Variants in SPATS1 observed in about 807,000 individuals in gnomAD.
SPATS1 encodes the protein spermatogenesis-associated serine-rich protein 1.
Under a neutral mutation model 33.6 loss-of-function variants are expected in SPATS1, and 23 were observed. The observed-to-expected ratio is 0.68, with a 90% CI of 0.49 to 0.97. The LOEUF is 0.97. Among genes scored for constraint, SPATS1 ranks in the 50% least tolerant of loss-of-function variants. SPATS1 has a pLI of 0.00. For synonymous variants in SPATS1, 131 were observed against 125.6 expected (o/e 1.04, Z -0.29); for missense variants, 327 against 361.0 (o/e 0.91, Z 0.76).
chr6:44,353,545 C>T (rs916894682), intron 3 of SPATS1, among the ~76,000 whole-genome samples: 3 of 152,060 alleles, frequency 2.0e-5, no homozygotes, highest in Admixed American at 6.5e-5. Context: ...GTCACTGGGC[C>T]GGGCTAACGT....
intron 4 of SPATS1, 110 bp downstream of exon 4, chr6:44,360,680 T>C: frequency 1.5e-6 from 2 of 1,318,642 alleles, no homozygotes; most frequent in African/African-American, 1.5e-5. Context: ...GCATTTGATG[T>C]ACTTTATCTC....
intron 7 of SPATS1, among the ~76,000 whole-genome samples, chr6:44,375,277 C>T (rs537851469): frequency 6.6e-6 from 1 of 152,290 alleles, no homozygotes; most frequent in South Asian, 2.1e-4. Flanking sequence ...CACCCAGAGG[C>T]TCATGACAGT....
Position 44,360,447 on chromosome 6 carries a change from A to G in SPATS1, c.289A>G (p.Thr97Ala). Residue 97 changes from threonine to alanine, a missense_variant and splice_region_variant, in exon 4 of 9, where the codon ACC becomes GCC. Coordinates refer to ENST00000674044, the MANE Select transcript of SPATS1 (RefSeq NM_001372081.1). ...AGAATCCTTCTGCTTTCTTTCCAGCACCACTGCTGACTTGGATCGGAAACT... is the reference window on the plus strand; with the variant it reads ...AGAATCCTTCTGCTTTCTTTCCAGCGCCACTGCTGACTTGGATCGGAAACT... ...GLPRVSAYVD[T>A]TADLDRKLSF... 6.2e-7 allele frequency: 1 copy of G among 1,614,104 alleles called. No homozygotes were observed. Among genetic ancestry groups the G allele is most frequent in the Non-Finnish European group, 8.5e-7 (1 of 1,180,012 alleles).
intron 5 of SPATS1, 105 bp from the exon 6 acceptor site, chr6:44,368,274 T>C: frequency 8.8e-7 from 1 of 1,141,672 alleles, no homozygotes; most frequent in Non-Finnish European, 1.2e-6. Flanking sequence ...TAATTTATAA[T>C]AAAATACTAA....
intron 5 of SPATS1, among the ~76,000 whole-genome samples, chr6:44,366,941 A>G (rs1466270264): frequency 6.6e-6 from 1 of 152,248 alleles, no homozygotes; most frequent in East Asian, 1.9e-4. Context: ...TCAAGGGCAC[A>G]GAACTAGAAA....
At chr6:44,361,375 C>T (rs6935417) in intron 4 of SPATS1, 766,264 of 984,782 alleles carry the variant, frequency 0.78, 298,621 homozygotes, top group Admixed American at 0.81. Flanking sequence ...GTAGCACATG[C>T]GCGTGCTATT....
chr6:44,367,191 G>A (rs139358302), intron 5 of SPATS1, among the ~76,000 whole-genome samples: 2,875 of 152,214 alleles, frequency 0.019, 88 homozygotes, highest in African/African-American at 0.065. Flanking sequence ...GGGTTTAAGC[G>A]ATTCTCCTGT....
At chr6:44,350,081 G>T (rs1788145194) in intron 2 of SPATS1, among the ~76,000 whole-genome samples, 1 of 152,100 alleles carries the variant, frequency 6.6e-6, no homozygotes, top group Non-Finnish European at 1.5e-5. Context: ...ACTGTGCTGG[G>T]GGCTGCTCTA....
At chr6:44,365,051 A>C (rs993021259) in intron 5 of SPATS1, among the ~76,000 whole-genome samples, 3 of 152,152 alleles carry the variant, frequency 2.0e-5, no homozygotes, top group African/African-American at 7.2e-5. Context: ...GGCCTCCCAA[A>C]GTGCTGGGAT....
intron 1 of SPATS1, 26 bp downstream of exon 1, chr6:44,342,794 C>G (rs1415248479): frequency 3.9e-5 from 24 of 623,350 alleles, no homozygotes; most frequent in Non-Finnish European, 6.3e-5. Context: ...TGAGCACAGA[C>G]CCGGGCCTCC....
At chr6:44,359,133 A>C (rs550195673) in intron 3 of SPATS1, among the ~76,000 whole-genome samples, 1 of 151,880 alleles carries the variant, frequency 6.6e-6, no homozygotes, top group Non-Finnish European at 1.5e-5. Flanking sequence ...GCTAATTAAA[A>C]ATTTTTTTGT....
Position 44,377,031 on chromosome 6 carries a change from A to T in SPATS1, c.875-4A>T. ...AACCTGTAACTCCATGCCTCTATCCACAGGTGCTTTGGACTTTCCAAGACA... is the reference window on the plus strand; with the variant it reads ...AACCTGTAACTCCATGCCTCTATCCTCAGGTGCTTTGGACTTTCCAAGACA... On this transcript the variant is annotated splice_region_variant and splice_polypyrimidine_tract_variant and intron_variant, in intron 8 of 8. Transcript: ENST00000674044. The T allele has an allele frequency of 6.2e-7, 1 of 1,614,224 alleles. No individual in the cohort carries two copies. The highest frequency in any genetic ancestry group is 1.1e-5 in the South Asian group (1 of 91,078).
At chr6:44,370,257 GA>G in intron 7 of SPATS1, 144 bp downstream of exon 7, 1 of 672,378 alleles carries the variant, frequency 1.5e-6, no homozygotes, top group Non-Finnish European at 2.5e-6. Flanking sequence ...AGTTTGTAAG[GA>G]AGGTGTTTGG....
intron 2 of SPATS1, among the ~76,000 whole-genome samples, chr6:44,350,485 T>C (rs1788168530): frequency 6.6e-6 from 1 of 152,212 alleles, no homozygotes; most frequent in Non-Finnish European, 1.5e-5. Flanking sequence ...TTTAACAGGC[T>C]TCCTGGGTAA....
intron 2 of SPATS1, among the ~76,000 whole-genome samples, chr6:44,345,333 C>G (rs1243018665): frequency 1.3e-5 from 2 of 152,140 alleles, no homozygotes; most frequent in Non-Finnish European, 2.9e-5. Context: ...ATCAGACAAG[C>G]TTTCCCCATT....
intron 3 of SPATS1, among the ~76,000 whole-genome samples, chr6:44,357,146 T>C (rs1355053816): frequency 1.3e-5 from 2 of 152,186 alleles, no homozygotes; most frequent in Non-Finnish European, 1.5e-5. Flanking sequence ...TCCACCTTTA[T>C]CTCAAAAACT....
intron 5 of SPATS1, 103 bp downstream of exon 5, chr6:44,362,095 C>A: frequency 2.1e-6 from 3 of 1,412,228 alleles, no homozygotes; most frequent in Non-Finnish European, 3.0e-6. Context: ...CCTGTAGAGT[C>A]ACCATGTTCC....
intron 8 of SPATS1, among the ~76,000 whole-genome samples, chr6:44,376,788 G>A (rs1010883730): frequency 1.3e-5 from 2 of 152,084 alleles, no homozygotes; most frequent in African/African-American, 2.4e-5. Context: ...GCAACAGAGC[G>A]AAACTTTGCC....
At position 44,359,699 on chromosome 6, in the gene SPATS1, A is replaced by G. The variant is rs1050708772; in HGVS notation, c.288-747A>G. ...ATTCTCCTGCCTCAGCCTCCTGAGT[A>G]GCTGGGATTACAGGCATGCACTACC... is the stretch of plus-strand genomic sequence containing the variant. On this transcript the variant is annotated intron_variant, in intron 3 of 8. Transcript: ENST00000674044. Among the ~76,000 whole-genome samples the G allele has an allele frequency of 3.3e-5, 5 of 151,944 alleles. No homozygotes were observed. The South Asian group carries it at 1.0e-3, about 32-fold the overall frequency.
Sources: gnomAD v4.1 joint callset for allele counts (sites outside exome capture counted in the v4.1 genomes callset) on GRCh38, gnomAD v4.1.1 for gene constraint, MANE v1.5 for transcripts, NCBI Gene and HGNC (gene_info 2026-07-23, HGNC 2026-07-21) for gene names.